The following IGLL5 variants were observed in gnomAD, a reference collection of about 807,000 sequenced individuals.
IGLL5 encodes immunoglobulin lambda like polypeptide 5.
In IGLL5, 30 loss-of-function variants were observed where a neutral mutation model predicts 20.9. The ratio of observed to expected loss-of-function variants is 1.44; its 90% CI spans 1.07 to 1.95. The LOEUF (loss-of-function observed/expected upper bound fraction) is 1.95. IGLL5 is among the 30% of genes most tolerant of loss of function. The probability of loss-of-function intolerance (pLI) is 0.00; values close to 1 mark genes in which losing one functional copy is unlikely to be tolerated. For synonymous variants in IGLL5, 203 were observed against 117.3 expected (o/e 1.73, Z -4.72); for missense variants, 475 against 270.7 (o/e 1.75, Z -5.30).
At chr22:22,892,454 T>C (rs2067879048) in intron 1 of IGLL5, among the ~76,000 whole-genome samples, 1 of 150,996 alleles carries the variant, frequency 6.6e-6, no homozygotes. Flanking sequence ...TTTTTCTTTT[T>C]CTCTGTAGGA....
At chr22:22,889,009 G>A (rs1601605564) in intron 1 of IGLL5, among the ~76,000 whole-genome samples, 4 of 151,436 alleles carry the variant, frequency 2.6e-5, no homozygotes, top group South Asian at 2.1e-4. Context: ...CTGGGAAGGG[G>A]AGGCAAGAAG....
intron 1 of IGLL5, among the ~76,000 whole-genome samples, chr22:22,892,101 T>C (rs1240018133): frequency 6.6e-6 from 1 of 151,332 alleles, no homozygotes; most frequent in African/African-American, 2.4e-5. Context: ...TTTAAATGTT[T>C]TGCCTTTAAA....
At chr22:22,893,580 G>A in intron 1 of IGLL5, 120 bp from the exon 2 acceptor site, 1 of 627,534 alleles carries the variant, frequency 1.6e-6, no homozygotes, top group Non-Finnish European at 2.8e-6. Context: ...GGCTGTGTGT[G>A]GCACTTGCCT....
At chr22:22,893,975 G>A (rs1194950838) in intron 2 of IGLL5, among the ~76,000 whole-genome samples, 157 bp downstream of exon 2, 3 of 151,424 alleles carry the variant, frequency 2.0e-5, no homozygotes, top group South Asian at 2.1e-4. Flanking sequence ...ATTAGTCTCC[G>A]GGTAACCGGC....
Position 22,888,276 on chromosome 22 carries a change from T to G in IGLL5, c.206+17T>G, listed in dbSNP as rs1245939707. 3.2e-6 allele frequency: 5 copies of G among 1,545,578 alleles called. No homozygotes were observed. Among genetic ancestry groups the G allele is most frequent in the Admixed American group, 3.9e-5 (2 of 50,690 alleles). On this transcript the variant is annotated intron_variant, in intron 1 of 2. Coordinates refer to ENST00000526893, the MANE Select transcript of IGLL5 (RefSeq NM_001178126.2). The stretch of plus-strand genomic sequence containing the variant: ...GTGGGGCAGGTAAGGGGCAAGAGAT[T>G]CCAGGGGATGTGGGGGTCCTGCAGC...
chr22:22,894,414 C>A (rs754117035), intron 2 of IGLL5, among the ~76,000 whole-genome samples: 1 of 151,308 alleles, frequency 6.6e-6, no homozygotes, highest in Non-Finnish European at 1.5e-5. Context: ...CACAGAGGGA[C>A]GGGTGAGACT....
At position 22,888,435 on chromosome 22, in the gene IGLL5, T is replaced by C. The variant is rs138038569; in HGVS notation, c.206+176T>C. Among the ~76,000 whole-genome samples the C allele has an allele frequency of 7.9e-5, 12 of 151,356 alleles. 1 individual carries two copies. Among genetic ancestry groups the C allele is most frequent in the South Asian group, 4.2e-4 (2 of 4,744 alleles). On this transcript the variant is annotated intron_variant, in intron 1 of 2. Transcript: ENST00000526893. ...TTGTCCATCACAGATTTGTTTGAAT[T>C]ACTGTTTTTAATATCATATTACGAT...
At position 22,888,754 on chromosome 22, in the gene IGLL5, T is replaced by A. The variant is rs551495323; in HGVS notation, c.206+495T>A. 4.0e-5 allele frequency among the ~76,000 whole-genome samples: 6 copies of A among 151,248 alleles called. No homozygotes were observed. In the East Asian group the frequency reaches 6.1e-4, roughly 15 times the overall value. ...GTCTGTTCACCAACTTGCACATAAA[T>A]GCTTACTGGGGCCAGGCTCAAGGAC... On this transcript the variant is annotated intron_variant, in intron 1 of 2. Transcript: ENST00000526893.
At chr22:22,888,659 C>G in intron 1 of IGLL5, among the ~76,000 whole-genome samples, 1 of 151,306 alleles carries the variant, frequency 6.6e-6, no homozygotes, top group Non-Finnish European at 1.5e-5. Context: ...CATGTGCCTC[C>G]TGCCCAGTGA....
At chr22:22,891,846 C>G (rs2067857328) in intron 1 of IGLL5, among the ~76,000 whole-genome samples, 1 of 151,158 alleles carries the variant, frequency 6.6e-6, no homozygotes, top group South Asian at 2.1e-4. Context: ...CTATGTTGCT[C>G]TTGTATCCAG....
chr22:22,889,065 A>G (rs547708007), intron 1 of IGLL5, among the ~76,000 whole-genome samples: 2 of 151,324 alleles, frequency 1.3e-5, no homozygotes, highest in African/African-American at 4.8e-5. Context: ...GAGTCCTTGG[A>G]TGGATTTAGG....
intron 2 of IGLL5, among the ~76,000 whole-genome samples, chr22:22,894,579 G>T (rs537059315): frequency 1.3e-5 from 2 of 151,476 alleles, no homozygotes; most frequent in African/African-American, 2.4e-5. Context: ...CAAAGGGCAT[G>T]TTAGACTCAG....
intron 1 of IGLL5, among the ~76,000 whole-genome samples, chr22:22,890,236 T>C (rs750073560): frequency 2.1e-4 from 32 of 149,518 alleles, no homozygotes; most frequent in Non-Finnish European, 3.8e-4. Context: ...ATCTCTCACC[T>C]CTTCCCAGAG....
intron 2 of IGLL5, among the ~76,000 whole-genome samples, chr22:22,894,506 T>C (rs563392809): frequency 2.6e-5 from 4 of 151,500 alleles, no homozygotes; most frequent in Admixed American, 6.6e-5. Flanking sequence ...TGTCTGTCCC[T>C]GGAGCCCCGT....
chr22:22,895,704 T>C lies in IGLL5; in HGVS notation c.*10T>C, dbSNP rs775136236. The C allele has an allele frequency of 1.3e-5, 21 of 1,612,638 alleles. No homozygotes were observed. Among genetic ancestry groups the C allele is most frequent in the Admixed American group, 6.7e-5 (4 of 59,874 alleles). On this transcript the variant is annotated 3_prime_UTR_variant, in exon 3 of 3. Transcript: ENST00000526893. The stretch of plus-strand genomic sequence containing the variant: ...TACAGAATGTTCATAGGTTCCCAAC[T>C]CTAACCCCACCCACGGGAGCCTGGA...
In IGLL5 at chr22:22,895,571, C is replaced by T. The variant is rs61731678; in HGVS notation, c.522C>T (p.Tyr174=). The T allele has an allele frequency of 1.6e-4, 263 of 1,613,160 alleles. 1 individual carries two copies. The highest frequency in any genetic ancestry group is 1.2e-3 in the African/African-American group (91 of 74,886). The change falls in exon 3 of 3, where the codon TAC becomes TAT. Residue 174 remains tyrosine, a synonymous_variant. Coordinates refer to ENST00000526893, the MANE Select transcript of IGLL5 (RefSeq NM_001178126.2). The stretch of plus-strand genomic sequence containing the variant: ...CCTCCAAACAGAGCAACAACAAGTA[C>T]GCGGCCAGCAGCTACCTGAGCCTGA... ...TKPSKQSNNK[Y]AASSYLSLTP...
chr22:22,894,210 T>C lies in IGLL5; in HGVS notation c.325+392T>C, dbSNP rs960830020. 4.0e-5 allele frequency among the ~76,000 whole-genome samples: 6 copies of C among 151,182 alleles called. 1 individual carries two copies. Among genetic ancestry groups the C allele is most frequent in the African/African-American group, 9.7e-5 (4 of 41,240 alleles). ...GGGTGGGCCTGGGAGCTGCTGAGTC[T>C]CATAGTCTAGGGGAGCAGCCCCAAG... On this transcript the variant is annotated intron_variant, in intron 2 of 2. Coordinates refer to ENST00000526893, the MANE Select transcript of IGLL5 (RefSeq NM_001178126.2).
At chr22:22,888,340 G>A (rs546467659) in intron 1 of IGLL5, 81 bp downstream of exon 1, 30 of 1,331,936 alleles carry the variant, frequency 2.3e-5, no homozygotes, top group African/African-American at 8.8e-5. Flanking sequence ...ACAAGCCAGA[G>A]GAGTGAGGAG....
In IGLL5 at chr22:22,895,803, C is replaced by T. The variant is rs2066755825; in HGVS notation, c.*109C>T. On this transcript the variant is annotated 3_prime_UTR_variant, in exon 3 of 3. Coordinates refer to ENST00000526893, the MANE Select transcript of IGLL5 (RefSeq NM_001178126.2). ...AGCCCTTCTCCCTGCACTCATGAAA[C>T]CCCAATAAATATCCTCATTGACAAC... 3.0e-6 allele frequency: 3 copies of T among 1,005,120 alleles called. No homozygotes were observed. Among genetic ancestry groups the T allele is most frequent in the Admixed American group, 1.9e-5 (1 of 51,502 alleles). 62.3% of individuals were successfully genotyped at this position (1,005,120 alleles called of 1,614,324 possible).
Sources: gnomAD v4.1 joint callset for allele counts (sites outside exome capture counted in the v4.1 genomes callset) on GRCh38, gnomAD v4.1.1 for gene constraint, MANE v1.5 for transcripts, NCBI Gene and HGNC (gene_info 2026-07-23, HGNC 2026-07-21) for gene names.